The following USP39 variants were observed in gnomAD, a reference collection of about 807,000 sequenced individuals.
USP39 encodes the protein ubiquitin specific peptidase 39.
In USP39, 38 loss-of-function variants were observed where a neutral mutation model predicts 66.4. That is an observed-to-expected ratio of 0.57 (90% CI 0.44 to 0.75). The LOEUF (loss-of-function observed/expected upper bound fraction) is 0.75, where lower values mean the gene tolerates loss of function less well. Among genes scored for constraint, USP39 ranks in the 30% least tolerant of loss-of-function variants. The pLI, the probability that USP39 is intolerant of heterozygous loss-of-function variation, is 0.00. For missense variants in USP39, 608 were observed against 714.4 expected (o/e 0.85, Z 1.70); for synonymous variants, 303 against 274.6 (o/e 1.10, Z -1.02).
chr2:85,616,610 A>C, intron 1 of USP39, 147 bp downstream of exon 1: 1 of 1,313,538 alleles, frequency 7.6e-7, no homozygotes. Context: ...AGACTCGACG[A>C]TTCTGCTGTT....
chr2:85,641,015 C>T lies in USP39; in HGVS notation c.1324C>T (p.Gln442Ter). Residue 442 changes from glutamine to a stop codon, truncating the protein, a stop_gained, in exon 10 of 13, where the codon CAG becomes TAG. Transcript: ENST00000323701. LOFTEE classifies it high-confidence loss of function. ...TYKENFLKRF[Q>*]LTKLPPYLIF... The stretch of plus-strand genomic sequence containing the variant: ...CAAGGAGAACTTTCTGAAGCGCTTC[C>T]AGCTTACCAAGTTGCCTCCATATCT... 1 of 1,613,584 alleles carries T rather than the reference C, an allele frequency of 6.2e-7. No homozygotes were observed. The highest frequency in any genetic ancestry group is 8.5e-7 in the Non-Finnish European group (1 of 1,179,890).
chr2:85,616,350 G>C lies in USP39; in HGVS notation c.155G>C (p.Arg52Pro), dbSNP rs754314800. The C allele has an allele frequency of 2.5e-6, 4 of 1,601,820 alleles. No individual in the cohort carries two copies. In the Admixed American group the frequency reaches 6.8e-5, roughly 27 times the overall value. The change falls in exon 1 of 13, where the codon CGG becomes CCG. Residue 52 changes from arginine to proline, a missense_variant. Coordinates refer to ENST00000323701, the MANE Select transcript of USP39 (RefSeq NM_006590.4). Reference sequence around the variant, plus strand: ...CGGGGCAGCCCTGTGCGCGTGAAGCGGGAGTTCGAGCCGGCGAGCGCGCGC... The same window carrying C: ...CGGGGCAGCCCTGTGCGCGTGAAGCCGGAGTTCGAGCCGGCGAGCGCGCGC... ...SSRGSPVRVK[R>P]EFEPASAREA...
intron 10 of USP39, among the ~76,000 whole-genome samples, chr2:85,644,099 C>T (rs1314828767): frequency 1.3e-5 from 2 of 152,216 alleles, no homozygotes; most frequent in Admixed American, 6.5e-5. Flanking sequence ...TTTATTACCA[C>T]ATGGTTTACA....
rs1262740182 is a variant in USP39, at chr2:85,630,952, A to G, written c.949+6A>G. 1 of 1,611,120 alleles carries G rather than the reference A, an allele frequency of 6.2e-7. No individual in the cohort carries two copies. Among genetic ancestry groups the G allele is most frequent in the Non-Finnish European group, 8.5e-7 (1 of 1,178,320 alleles). ...TTTTCAGATCACCAAACAAGGTAAG[A>G]ACAAGTCATTCATGTTTCAGGACAA... is the stretch of plus-strand genomic sequence containing the variant. On this transcript the variant is annotated splice_donor_region_variant and intron_variant, in intron 6 of 12. Coordinates refer to ENST00000323701, the MANE Select transcript of USP39 (RefSeq NM_006590.4).
intron 3 of USP39, among the ~76,000 whole-genome samples, chr2:85,622,972 A>G (rs189801546): frequency 6.6e-6 from 1 of 152,360 alleles, no homozygotes; most frequent in African/African-American, 2.4e-5. Flanking sequence ...CTGTTAGATC[A>G]TAAAGATTAC....
At chr2:85,611,417 C>G (rs1243470072), upstream of USP39, 13 of 1,508,506 alleles carry the variant, frequency 8.6e-6, no homozygotes, top group Non-Finnish European at 1.1e-5. Flanking sequence ...CACGGTGGGG[C>G]AAACCGGCAG....
chr2:85,628,096 A>G (rs1413056825), intron 5 of USP39, among the ~76,000 whole-genome samples: 1 of 152,112 alleles, frequency 6.6e-6, no homozygotes, highest in Admixed American at 6.5e-5. Context: ...ATTCTTAAGT[A>G]GAGAGACTTT....
chr2:85,624,937 T>G (rs1312093219), intron 4 of USP39, among the ~76,000 whole-genome samples: 1 of 147,118 alleles, frequency 6.8e-6, no homozygotes, highest in Non-Finnish European at 1.5e-5. Flanking sequence ...CACTCTAGTC[T>G]AGGCAACAAG....
chr2:85,631,821 T>C (rs1427838808), intron 6 of USP39, among the ~76,000 whole-genome samples: 1 of 152,156 alleles, frequency 6.6e-6, no homozygotes, highest in Non-Finnish European at 1.5e-5. Flanking sequence ...TGATCTCTGC[T>C]CACTGCAACC....
chr2:85,609,492 G>A, upstream of USP39: 2 of 1,614,252 alleles, frequency 1.2e-6, no homozygotes, highest in East Asian at 2.2e-5. Flanking sequence ...CTAAGCAGAA[G>A]AGCTGATGGC....
At chr2:85,644,923 C>T in intron 10 of USP39, 25 bp from the exon 11 acceptor site, 1 of 1,613,252 alleles carries the variant, frequency 6.2e-7, no homozygotes, top group African/African-American at 1.3e-5. Flanking sequence ...TCTGATTATT[C>T]CGGCTTTATT....
At chr2:85,626,291 G>A (rs906212673) in intron 5 of USP39, among the ~76,000 whole-genome samples, 6 of 151,392 alleles carry the variant, frequency 4.0e-5, no homozygotes, top group South Asian at 2.1e-4. Context: ...CCCAGGAGGC[G>A]GAGGTTGCAG....
intron 2 of USP39, among the ~76,000 whole-genome samples, chr2:85,621,034 A>C (rs1262427280): frequency 6.6e-6 from 1 of 152,160 alleles, no homozygotes; most frequent in Admixed American, 6.6e-5. Context: ...CCCACTCTGT[A>C]TCCCAGTCTG....
In USP39 at chr2:85,641,130, C is replaced by G; in HGVS notation, c.1427+12C>G. On this transcript the variant is annotated intron_variant, in intron 10 of 12. Coordinates refer to ENST00000323701, the MANE Select transcript of USP39 (RefSeq NM_006590.4). ...AATTTCCCTATTACGTAAGTAACAT[C>G]CTGCCTCACTTCTCTCACGGGGAGT... The G allele has an allele frequency of 6.2e-7, 1 of 1,611,460 alleles. No individual in the cohort carries two copies. The highest frequency in any genetic ancestry group is 1.7e-5 in the Admixed American group (1 of 59,278).
upstream of USP39, chr2:85,611,512 A>C (rs1558840090): frequency 1.9e-6 from 3 of 1,550,842 alleles, no homozygotes; most frequent in Non-Finnish European, 2.6e-6. Context: ...GGTGAGAATC[A>C]TTCAGCGGAG....
intron 5 of USP39, among the ~76,000 whole-genome samples, chr2:85,628,474 A>G (rs1675055142): frequency 6.6e-6 from 1 of 152,158 alleles, no homozygotes; most frequent in Non-Finnish European, 1.5e-5. Context: ...ATGGACAGAT[A>G]GAATTTGGAT....
upstream of USP39, among the ~76,000 whole-genome samples, chr2:85,613,192 C>G (rs1447267559): frequency 6.6e-6 from 1 of 151,660 alleles, no homozygotes; most frequent in Admixed American, 6.6e-5. Flanking sequence ...GACATCGTCT[C>G]TACAAGAAAA....
intron 11 of USP39, 71 bp downstream of exon 11, chr2:85,645,154 A>G: frequency 6.3e-7 from 1 of 1,599,138 alleles, no homozygotes; most frequent in Non-Finnish European, 8.5e-7. Flanking sequence ...CTCAGAGGGC[A>G]GCTCCCTTCA....
chr2:85,603,852 C>CA (rs1395682192), intron 1 of USP39, among the ~76,000 whole-genome samples: 4 of 152,322 alleles, frequency 2.6e-5, no homozygotes, highest in Middle Eastern at 3.4e-3. Flanking sequence ...CTCGGCCTCC[C>CA]AAAGTGCTGG....
Sources: gnomAD v4.1 joint callset for allele counts (sites outside exome capture counted in the v4.1 genomes callset) on GRCh38, gnomAD v4.1.1 for gene constraint, MANE v1.5 for transcripts, NCBI Gene and HGNC (gene_info 2026-07-23, HGNC 2026-07-21) for gene names.